HTR2C: variants seen among roughly 807,000 people sequenced by gnomAD.
The protein encoded by HTR2C is 5-hydroxytryptamine receptor 2C.
HTR2C carries 5 observed loss-of-function variants against 21.0 expected under a neutral mutation model. The ratio of observed to expected loss-of-function variants is 0.24; its 90% CI spans 0.12 to 0.50. HTR2C has a LOEUF of 0.50. HTR2C is among the 20% of genes least tolerant of loss of function. The pLI is 0.98. For missense variants in HTR2C, 271 were observed against 371.2 expected (o/e 0.73, Z 2.22); for synonymous variants, 150 against 145.3 (o/e 1.03, Z -0.23).
At chrX:114,785,774 A>C (rs1430763508) in intron 4 of HTR2C, among the ~76,000 whole-genome samples, 1 of 112,381 alleles carries the variant, frequency 8.9e-6, no homozygotes, top group Admixed American at 9.4e-5. Context: ...ATCTGACTAC[A>C]TTAAAATACA....
intron 4 of HTR2C, among the ~76,000 whole-genome samples, chrX:114,846,274 A>G (rs2070873173): frequency 1.8e-5 from 2 of 111,709 alleles, no homozygotes; most frequent in African/African-American, 3.2e-5. Flanking sequence ...TTCTTCTCAA[A>G]CTCTTCTAAA....
chrX:114,868,924 G>T (rs942832940), intron 5 of HTR2C, among the ~76,000 whole-genome samples: 1 of 110,198 alleles, frequency 9.1e-6, no homozygotes, highest in Non-Finnish European at 1.9e-5. Context: ...CATGTGCCAT[G>T]TTGGTTTGCT....
chrX:114,698,867 C>T (rs1785680015), intron 2 of HTR2C, among the ~76,000 whole-genome samples: 1 of 111,631 alleles, frequency 9.0e-6, no homozygotes, highest in African/African-American at 3.3e-5. Context: ...TCAATTGGTA[C>T]TCACATAGCT....
intron 2 of HTR2C, among the ~76,000 whole-genome samples, chrX:114,634,170 G>A (rs1929753469): frequency 9.1e-6 from 1 of 109,792 alleles, no homozygotes; most frequent in African/African-American, 3.3e-5. Flanking sequence ...AATTACAAAT[G>A]TGGGCCTTTT....
chrX:114,713,290 T>C (rs1046121556), intron 2 of HTR2C, among the ~76,000 whole-genome samples: 4 of 111,588 alleles, frequency 3.6e-5, no homozygotes, highest in Non-Finnish European at 7.6e-5. Flanking sequence ...GCTATATTAC[T>C]GCAAAACCAT....
chrX:114,702,740 G>A (rs1377476788), intron 2 of HTR2C, among the ~76,000 whole-genome samples: 2 of 106,835 alleles, frequency 1.9e-5, no homozygotes, highest in Non-Finnish European at 3.9e-5. Context: ...TGGACTAAAT[G>A]CTCCAATTAA....
intron 5 of HTR2C, among the ~76,000 whole-genome samples, chrX:114,873,077 T>C (rs1435486041): frequency 8.9e-6 from 1 of 111,870 alleles, no homozygotes; most frequent in Non-Finnish European, 1.9e-5. Flanking sequence ...CCTCCAGTGA[T>C]ATGATGTTTT....
chrX:114,618,526 CAT>C (rs781933450), intron 2 of HTR2C, among the ~76,000 whole-genome samples: 12 of 111,786 alleles, frequency 1.1e-4, no homozygotes, highest in Non-Finnish European at 2.3e-4. Context: ...TAAATTAATA[CAT>C]GTCTTATAAG....
chrX:114,675,409 G>A (rs905328428), intron 2 of HTR2C, among the ~76,000 whole-genome samples: 21 of 111,873 alleles, frequency 1.9e-4, no homozygotes, highest in Non-Finnish European at 3.6e-4. Flanking sequence ...TTCCATTCAG[G>A]TTTTTAGTCA....
chrX:114,628,753 A>G (rs967972067), intron 2 of HTR2C, among the ~76,000 whole-genome samples: 12 of 111,865 alleles, frequency 1.1e-4, no homozygotes, highest in African/African-American at 3.3e-4. Flanking sequence ...AACAGCCACC[A>G]ATAAAATAAA....
rs782301794 is a variant in HTR2C, at chrX:114,669,066, ATGATAT to A, written c.-80+55186_-80+55191del. Among the ~76,000 whole-genome samples the A allele has an allele frequency of 3.6e-5, 4 of 110,949 alleles. No homozygotes were observed. In the South Asian group the frequency reaches 1.1e-3, roughly 31 times the overall value. On this transcript the variant is annotated intron_variant, in intron 2 of 5. Transcript: ENST00000276198. ...GTACATGTGTTATACAATACTGTCT[ATGATAT>A]ATGTTCTACACTTGTGTCAGTTTTT...
intron 2 of HTR2C, among the ~76,000 whole-genome samples, chrX:114,636,173 T>C (rs1318247465): frequency 2.8e-5 from 3 of 107,575 alleles, no homozygotes; most frequent in Non-Finnish European, 3.8e-5. Context: ...GCTAATCACC[T>C]AACAGGAAAG....
At chrX:114,678,515 G>A (rs1261900037) in intron 2 of HTR2C, among the ~76,000 whole-genome samples, 1 of 111,378 alleles carries the variant, frequency 9.0e-6, no homozygotes, top group Admixed American at 9.6e-5. Context: ...TGATGCAGTG[G>A]CAGATTGGCG....
chrX:114,810,504 C>T (rs1007072187), intron 4 of HTR2C, among the ~76,000 whole-genome samples: 7 of 109,539 alleles, frequency 6.4e-5, no homozygotes, highest in Admixed American at 5.9e-4. Flanking sequence ...TCTCAGTGGG[C>T]GCTGGCTGAT....
chrX:114,797,922 C>T (rs1428571903), intron 4 of HTR2C, among the ~76,000 whole-genome samples: 1 of 111,821 alleles, frequency 8.9e-6, no homozygotes. Flanking sequence ...TTACCTACAC[C>T]AGATGTTCTG....
intron 4 of HTR2C, among the ~76,000 whole-genome samples, chrX:114,790,775 T>G (rs2070223229): frequency 9.0e-6 from 1 of 111,318 alleles, no homozygotes; most frequent in Non-Finnish European, 1.9e-5. Context: ...CATCTGCACT[T>G]AATGAATTAC....
At position 114,658,342 on chromosome X, in the gene HTR2C, A is replaced by G. The variant is rs906921836; in HGVS notation, c.-80+44461A>G. Among the ~76,000 whole-genome samples the G allele has an allele frequency of 4.5e-5, 5 of 111,910 alleles. No homozygotes were observed. In the East Asian group the frequency reaches 8.4e-4, roughly 19 times the overall value. ...ACAATTAATTAACCTGTGAAATATA[A>G]AATGCTAAAGGAACAAGTCAAGAGA... is the stretch of plus-strand genomic sequence containing the variant. On this transcript the variant is annotated intron_variant, in intron 2 of 5. Transcript: ENST00000276198.
At chrX:114,638,890 G>C (rs1201984770) in intron 2 of HTR2C, among the ~76,000 whole-genome samples, 1 of 108,884 alleles carries the variant, frequency 9.2e-6, no homozygotes, top group Non-Finnish European at 1.9e-5. Flanking sequence ...ATTCCATGGT[G>C]TATATGTGCC....
chrX:114,672,334 G>A (rs972946049), intron 2 of HTR2C, among the ~76,000 whole-genome samples: 1 of 110,722 alleles, frequency 9.0e-6, no homozygotes, highest in Non-Finnish European at 1.9e-5. Flanking sequence ...AAAAGTGGCA[G>A]TGAGCTATGA....
Sources: allele counts gnomAD v4.1 joint callset (sites outside exome capture counted in the v4.1 genomes callset), GRCh38; gene constraint gnomAD v4.1.1; transcripts MANE v1.5; gene names NCBI Gene and HGNC (gene_info 2026-07-23, HGNC 2026-07-21).